The following SNX19 variants were observed in gnomAD, a reference collection of about 807,000 sequenced individuals.
The protein encoded by SNX19 is sorting nexin-19.
Under a neutral mutation model 85.2 loss-of-function variants are expected in SNX19, and 60 were observed. The observed-to-expected ratio is 0.70, with a 90% CI of 0.57 to 0.87. The LOEUF (loss-of-function observed/expected upper bound fraction) is 0.87. Ranked by LOEUF, SNX19 falls within the 40% of genes least tolerant of loss-of-function variation. The pLI is 0.00. For synonymous variants in SNX19, 520 were observed against 470.0 expected (o/e 1.11, Z -1.38); for missense variants, 1,201 against 1,217.8 (o/e 0.99, Z 0.21).
rs551408086 is a variant in SNX19 at position 130,870,577 on chromosome 11, G to C, written c.*7845C>G. Among the ~76,000 whole-genome samples, 435 of 152,320 alleles carry C rather than the reference G, an allele frequency of 2.9e-3. 1 individual carries two copies. The highest frequency in any genetic ancestry group is 4.9e-3 in the Non-Finnish European group (331 of 68,034). Reference sequence around the variant, plus strand: ...CCAGTGCCCTCCACTGGAATAAGTGGTTAATCTCAAAGAGGTTTACGGTGG... The same window carrying C: ...CCAGTGCCCTCCACTGGAATAAGTGCTTAATCTCAAAGAGGTTTACGGTGG... On this transcript the variant is annotated 3_prime_UTR_variant, in exon 11 of 11. Transcript: ENST00000265909.
Position 130,915,641 on chromosome 11 carries a change from C to G in SNX19, c.299G>C (p.Arg100Pro), listed in dbSNP as rs771013266. ...CATCTGGATGGTGCGGTTGATCTCC[C>G]GTTCCAGCTGCCTTTCTGCCTCAGG... ...PCPEAERQLE[R>P]EINRTIQMII... Residue 100 changes from arginine to proline, a missense_variant, in exon 1 of 11, where the codon CGG becomes CCG. Arg to Pro is a moderately radical substitution (Grantham distance 103, BLOSUM62 -2). Coordinates refer to ENST00000265909, the MANE Select transcript of SNX19 (RefSeq NM_014758.3). The G allele has an allele frequency of 2.5e-6, 4 of 1,614,136 alleles. No homozygotes were observed. The highest frequency in any genetic ancestry group is 1.1e-5 in the South Asian group (1 of 91,096).
chr11:130,874,483 A>C lies in SNX19; in HGVS notation c.*3939T>G, dbSNP rs1048862382. 6.6e-6 allele frequency among the ~76,000 whole-genome samples: 1 copy of C among 152,242 alleles called. No homozygotes were observed. The highest frequency in any genetic ancestry group is 2.4e-5 in the African/African-American group (1 of 41,462). ...GCAGTCTGAGAGCACAGCTGACCTA[A>C]TTAGAATGGCAAGGAAGAAAGATGG... is the stretch of plus-strand genomic sequence containing the variant. On this transcript the variant is annotated 3_prime_UTR_variant, in exon 11 of 11. Transcript: ENST00000265909.
chr11:130,882,056 G>C (rs990631753), intron 8 of SNX19, among the ~76,000 whole-genome samples: 18 of 152,116 alleles, frequency 1.2e-4, no homozygotes, highest in African/African-American at 3.9e-4. Context: ...TTTCAAAAAT[G>C]AGTCAAAAAT....
intron 8 of SNX19, 41 bp from the exon 9 acceptor site, chr11:130,880,847 G>A: frequency 6.7e-7 from 1 of 1,487,828 alleles, no homozygotes; most frequent in Non-Finnish European, 9.1e-7. Flanking sequence ...AAAGCTGAAG[G>A]AAAGGAAATA....
chr11:130,888,889 T>G (rs1453766697), intron 8 of SNX19, among the ~76,000 whole-genome samples: 1 of 152,212 alleles, frequency 6.6e-6, no homozygotes, highest in Non-Finnish European at 1.5e-5. Flanking sequence ...GGTCGCCAAT[T>G]CTACTTTAAT....
rs1389000831 is a variant in SNX19, at chr11:130,907,990, C to T, written c.2128G>A (p.Glu710Lys). 39 of 1,614,156 alleles carry T rather than the reference C, an allele frequency of 2.4e-5. No individual in the cohort carries two copies. The highest frequency in any genetic ancestry group is 2.7e-5 in the Non-Finnish European group (32 of 1,180,020). ...TTGCCTTCTGTCTGGGGCTTGCTTT[C>T]GGTCTCGGCCTCACTCAGCTCCTCT... ...PTEELSEAET[E>K]SKPQTEGKKA... The change falls in exon 5 of 11, where the codon GAA becomes AAA. Residue 710 changes from glutamate (E) to lysine (K), a missense_variant. This residue lies in a region of SNX19 where 125 missense variants were observed against 171.6 expected (regional missense o/e 0.73). Coordinates refer to ENST00000265909, the MANE Select transcript of SNX19 (RefSeq NM_014758.3).
intron 1 of SNX19, among the ~76,000 whole-genome samples, chr11:130,912,562 A>G (rs184446570): frequency 3.9e-5 from 6 of 152,348 alleles, no homozygotes; most frequent in Admixed American, 3.9e-4. Context: ...GCGCCTTCTC[A>G]TTAGGAATGG....
chr11:130,899,319 A>T (rs569164336), intron 8 of SNX19, among the ~76,000 whole-genome samples: 1 of 152,308 alleles, frequency 6.6e-6, no homozygotes, highest in South Asian at 2.1e-4. Context: ...CAGGTATGAG[A>T]CCATGGGCCA....
chr11:130,888,350 A>G (rs1198976103), intron 8 of SNX19, among the ~76,000 whole-genome samples: 3 of 152,222 alleles, frequency 2.0e-5, no homozygotes, highest in Non-Finnish European at 4.4e-5. Context: ...CTCTATTACT[A>G]GAAATTTCCC....
intron 8 of SNX19, among the ~76,000 whole-genome samples, chr11:130,894,544 AAAAC>A (rs1283915137): frequency 5.3e-5 from 8 of 152,110 alleles, no homozygotes; most frequent in Non-Finnish European, 8.8e-5. Context: ...CTATAACTGC[AAAAC>A]AAACAGGTCT....
chr11:130,870,834 G>T lies in SNX19; in HGVS notation c.*7588C>A, dbSNP rs978405817. ...GGTATATACATATAGTTGGGGGGGG[G>T]GCATAAGGACATAATAGGACTAAAA... On this transcript the variant is annotated 3_prime_UTR_variant, in exon 11 of 11. Coordinates refer to ENST00000265909, the MANE Select transcript of SNX19 (RefSeq NM_014758.3). Among the ~76,000 whole-genome samples, 3 of 150,638 alleles carry T rather than the reference G, an allele frequency of 2.0e-5. No homozygotes were observed. Among genetic ancestry groups the T allele is most frequent in the Admixed American group, 6.6e-5 (1 of 15,154 alleles).
intron 8 of SNX19, among the ~76,000 whole-genome samples, chr11:130,898,536 G>T (rs1945036402): frequency 6.6e-6 from 1 of 152,144 alleles, no homozygotes; most frequent in Non-Finnish European, 1.5e-5. Flanking sequence ...TGGTTTCAGG[G>T]AGGACAAACA....
intron 8 of SNX19, 148 bp from the exon 9 acceptor site, chr11:130,880,954 G>A (rs1325024407): frequency 3.6e-6 from 2 of 561,058 alleles, no homozygotes; most frequent in Non-Finnish European, 6.0e-6. Flanking sequence ...GGCCTTTGGG[G>A]AGGTGATTAG....
Position 130,916,169 on chromosome 11 carries a change from G to C in SNX19, c.-230C>G. On this transcript the variant is annotated 5_prime_UTR_variant, in exon 1 of 11. Transcript: ENST00000265909. ...GCCCTCCAACTCGCCCCTTCCAGCT[G>C]AGGTGTGGCTTTGGAGGAAAACTCT... The C allele has an allele frequency of 1.8e-6, 1 of 567,036 alleles. No homozygotes were observed. Among genetic ancestry groups the C allele is most frequent in the Non-Finnish European group, 3.1e-6 (1 of 318,530 alleles). The allele number at this position is 567,036 out of a possible 1,614,324, so 35.1% of individuals were successfully genotyped here.
rs1243275942 is a variant in SNX19 at position 130,914,490 on chromosome 11, C to T, written c.1450G>A (p.Glu484Lys). 5 of 1,613,922 alleles carry T rather than the reference C, an allele frequency of 3.1e-6. No homozygotes were observed. The Admixed American group carries it at 8.3e-5, about 27-fold the overall frequency. ...KTCPSRPSCL[E>K]KDLTNDVSSL... is the part of the protein sequence containing the mutation. Reference sequence around the variant, plus strand: ...CTCACATCATTGGTGAGATCCTTCTCTAAGCATGACGGCCGTGAGGGGCAG... The same window carrying T: ...CTCACATCATTGGTGAGATCCTTCTTTAAGCATGACGGCCGTGAGGGGCAG... Residue 484 changes from glutamate to lysine, a missense_variant, in exon 1 of 11, where the codon GAG (glutamate) becomes AAG (lysine). Physicochemically the swap from Glu to Lys is moderately conservative, Grantham distance 56 (BLOSUM62 1). This residue lies in a region of SNX19 where 791 missense variants were observed against 750.9 expected (regional missense o/e 1.05). Coordinates refer to ENST00000265909, the MANE Select transcript of SNX19 (RefSeq NM_014758.3).
chr11:130,888,457 C>T (rs369457926), intron 8 of SNX19, among the ~76,000 whole-genome samples: 3 of 152,176 alleles, frequency 2.0e-5, no homozygotes, highest in Admixed American at 6.5e-5. Context: ...ATGCAGGCAA[C>T]ATATTCCATT....
Position 130,914,921 on chromosome 11 carries a change from A to G in SNX19, c.1019T>C (p.Leu340Ser), listed in dbSNP as rs1465410645. Residue 340 changes from leucine to serine, a missense_variant, in exon 1 of 11, where the codon TTG (leucine) becomes TCG (serine). Transcript: ENST00000265909. ...EEGHEAVEGD[L>S]GGMCEERKVG... ...TTTTCTTTCTTCACACATCCCACCCAAATCTCCCTCTACAGCTTCGTGGCC... is the reference window on the plus strand; with the variant it reads ...TTTTCTTTCTTCACACATCCCACCCGAATCTCCCTCTACAGCTTCGTGGCC... 4 of 1,614,022 alleles carry G rather than the reference A, an allele frequency of 2.5e-6. No homozygotes were observed. Among genetic ancestry groups the G allele is most frequent in the Admixed American group, 3.3e-5 (2 of 60,010 alleles).
chr11:130,882,934 G>A (rs963932150), intron 8 of SNX19, among the ~76,000 whole-genome samples: 2 of 152,180 alleles, frequency 1.3e-5, no homozygotes, highest in African/African-American at 4.8e-5. Flanking sequence ...TGAACATGTT[G>A]TAACATGCCA....
intron 5 of SNX19, among the ~76,000 whole-genome samples, chr11:130,907,373 C>G (rs138523741): frequency 6.6e-6 from 1 of 151,940 alleles, no homozygotes; most frequent in Non-Finnish European, 1.5e-5. Context: ...TCATAAGGAC[C>G]CAGATATAGA....
Sources: gnomAD v4.1 joint callset for allele counts (sites outside exome capture counted in the v4.1 genomes callset) on GRCh38, gnomAD v4.1.1 for gene constraint, gnomAD v4.1.1 regional missense constraint, MANE v1.5 for transcripts, NCBI Gene and HGNC (gene_info 2026-07-23, HGNC 2026-07-21) for gene names.